Variants in ECHDC1 observed in about 807,000 individuals in gnomAD.
The protein encoded by ECHDC1 is ethylmalonyl-CoA decarboxylase 1, also known as ethylmalonyl-CoA decarboxylase.
Under a neutral mutation model 29.7 loss-of-function variants are expected in ECHDC1, and 29 were observed. The observed-to-expected ratio is 0.98, with a 90% CI of 0.73 to 1.33. ECHDC1 has a LOEUF of 1.33. Ranked by LOEUF, ECHDC1 falls within the 40% of genes most tolerant of loss-of-function variation. The probability of loss-of-function intolerance (pLI) is 0.00; values close to 1 mark genes in which losing one functional copy is unlikely to be tolerated. For missense variants in ECHDC1, 328 were observed against 350.0 expected, an observed-to-expected ratio of 0.94 and a Z score of 0.50; for synonymous variants, 126 against 123.1, an observed-to-expected ratio of 1.02 and a Z score of -0.15.
chr6:127,316,386 T>G, intron 4 of ECHDC1, 64 bp downstream of exon 4: 1 of 1,336,180 alleles, frequency 7.5e-7, no homozygotes, highest in South Asian at 1.3e-5. Context: ...GTACAAATAA[T>G]GGAATAGCAA....
chr6:127,317,888 C>G (rs1007330863), intron 3 of ECHDC1: 1 of 152,192 alleles, frequency 6.6e-6, no homozygotes, highest in African/African-American at 2.4e-5. Context: ...TTTGCTTTCT[C>G]CCACCCAAGG....
At chr6:127,341,545 G>A (rs1301812101) in intron 1 of ECHDC1, 1 of 152,138 alleles carries the variant, frequency 6.6e-6, no homozygotes, top group African/African-American at 2.4e-5. Flanking sequence ...TTTCTTCGGG[G>A]TAAAACTTAT....
intron 5 of ECHDC1, among the ~76,000 whole-genome samples, chr6:127,297,507 C>A (rs1780702720): frequency 6.6e-6 from 1 of 152,170 alleles, no homozygotes; most frequent in Non-Finnish European, 1.5e-5. Flanking sequence ...CAGGCACAAA[C>A]AGAACAACCT....
chr6:127,297,309 T>C (rs1050363775), intron 5 of ECHDC1, among the ~76,000 whole-genome samples: 1 of 152,244 alleles, frequency 6.6e-6, no homozygotes, highest in African/African-American at 2.4e-5. Flanking sequence ...GATAAAGTTA[T>C]TCACTACAAC....
rs1303971734 is a variant in ECHDC1 at position 127,330,890 on chromosome 6, C to A, written c.139G>T (p.Gly47Ter). 6.2e-7 allele frequency: 1 copy of A among 1,614,072 alleles called. No individual in the cohort carries two copies. The highest frequency in any genetic ancestry group is 8.5e-7 in the Non-Finnish European group (1 of 1,180,014). ...VKKTLQQFPG[G>*]SIDLQKEDNG... ...TCTTCCTTCTGAAGGTCAATGGATC[C>A]ACCAGGAAACTGCTGAAGTGTTTTT... Residue 47 changes from glycine (G) to a stop codon, truncating the protein, a stop_gained, in exon 2 of 6, where the codon GGA becomes TGA. Coordinates refer to ENST00000454859, the MANE Select transcript of ECHDC1 (RefSeq NM_001002030.2). LOFTEE classifies it high-confidence loss of function.
At chr6:127,308,677 A>T (rs1021335052) in intron 5 of ECHDC1, among the ~76,000 whole-genome samples, 2 of 152,226 alleles carry the variant, frequency 1.3e-5, no homozygotes, top group Non-Finnish European at 2.9e-5. Context: ...AGAAAAAGAT[A>T]TAAAGGACAT....
chr6:127,331,108 T>A, intron 1 of ECHDC1, 78 bp from the exon 2 acceptor site: 1 of 1,090,226 alleles, frequency 9.2e-7, no homozygotes, highest in Non-Finnish European at 1.3e-6. Flanking sequence ...TAATAGGCTG[T>A]AGTAATGGAC....
At chr6:127,340,457 T>G (rs1784830137) in intron 1 of ECHDC1, among the ~76,000 whole-genome samples, 1 of 152,158 alleles carries the variant, frequency 6.6e-6, no homozygotes, top group Non-Finnish European at 1.5e-5. Flanking sequence ...GAAGGCCAAA[T>G]AGCCTAGAGC....
chr6:127,296,584 C>CT (rs1414471611), intron 5 of ECHDC1, among the ~76,000 whole-genome samples: 2 of 152,024 alleles, frequency 1.3e-5, no homozygotes, highest in African/African-American at 4.8e-5. Flanking sequence ...ATCCCTAATA[C>CT]TTGAAGAACT....
intron 5 of ECHDC1, among the ~76,000 whole-genome samples, chr6:127,301,404 C>T (rs1005698891): frequency 1.3e-5 from 2 of 152,106 alleles, no homozygotes; most frequent in Non-Finnish European, 2.9e-5. Flanking sequence ...GGCAATTCTC[C>T]AAGGTAAGAA....
intron 3 of ECHDC1, among the ~76,000 whole-genome samples, chr6:127,318,966 C>T (rs1478928304): frequency 1.3e-5 from 2 of 152,214 alleles, no homozygotes; most frequent in African/African-American, 2.4e-5. Context: ...CTGCTAAAAA[C>T]CTTTCCAATA....
At chr6:127,316,146 C>A in intron 4 of ECHDC1, 1 of 469,926 alleles carries the variant, frequency 2.1e-6, no homozygotes, top group Non-Finnish European at 4.3e-6. Context: ...TTATTCTGCT[C>A]TAATACCAGT....
In ECHDC1 at chr6:127,306,627, C is replaced by T. The variant is rs542642659; in HGVS notation, c.497+8189G>A. ...CATCTTCTGCCATGAGTGTACATTTCCTGAGGATTCCCCAGCCATGCTTCC... is the reference window on the plus strand; with the variant it reads ...CATCTTCTGCCATGAGTGTACATTTTCTGAGGATTCCCCAGCCATGCTTCC... On this transcript the variant is annotated intron_variant, in intron 5 of 5. Coordinates refer to ENST00000454859, the MANE Select transcript of ECHDC1 (RefSeq NM_001002030.2). 1.9e-3 allele frequency among the ~76,000 whole-genome samples: 282 copies of T among 152,276 alleles called. 2 individuals are homozygous for T. Among genetic ancestry groups the T allele is most frequent in the Middle Eastern group, 3.4e-3 (1 of 292 alleles).
intron 1 of ECHDC1, chr6:127,342,650 A>C (rs952143039): frequency 2.6e-6 from 1 of 388,652 alleles, no homozygotes; most frequent in African/African-American, 2.0e-5. Flanking sequence ...TAGAGCAACA[A>C]CTGCTATACA....
intron 5 of ECHDC1, 33 bp from the exon 6 acceptor site, chr6:127,290,310 C>T: frequency 1.3e-6 from 2 of 1,586,674 alleles, no homozygotes; most frequent in Non-Finnish European, 1.7e-6. Flanking sequence ...TTAATTGTAA[C>T]TCTCTCTGTA....
intron 5 of ECHDC1, chr6:127,313,482 C>A: frequency 2.3e-6 from 1 of 426,722 alleles, no homozygotes; most frequent in Middle Eastern, 4.4e-4. Flanking sequence ...GGATAACAGG[C>A]ATGAGCCACC....
intron 3 of ECHDC1, among the ~76,000 whole-genome samples, chr6:127,318,722 G>C (rs1360369338): frequency 6.6e-6 from 1 of 152,202 alleles, no homozygotes; most frequent in African/African-American, 2.4e-5. Context: ...TCAGACGCTA[G>C]TAAAATGTTT....
chr6:127,316,932 C>T (rs1782433203), intron 3 of ECHDC1, among the ~76,000 whole-genome samples: 1 of 152,092 alleles, frequency 6.6e-6, no homozygotes, highest in Non-Finnish European at 1.5e-5. Flanking sequence ...GGTATTGCCA[C>T]AACTTATAAT....
intron 5 of ECHDC1, chr6:127,313,302 C>T (rs13208719): frequency 0.17 from 32,371 of 195,322 alleles, 2,924 homozygotes; most frequent in Non-Finnish European, 0.17. Context: ...CTCCCAGGTT[C>T]AAGCAATCCT....
Sources: allele counts gnomAD v4.1 joint callset (sites outside exome capture counted in the v4.1 genomes callset), GRCh38; gene constraint gnomAD v4.1.1; transcripts MANE v1.5; gene names NCBI Gene and HGNC (gene_info 2026-07-23, HGNC 2026-07-21).